ARHGEF3: variants seen among roughly 807,000 people sequenced by gnomAD.
The protein encoded by ARHGEF3 is 59.8 kDA protein.
ARHGEF3 carries 28 observed loss-of-function variants against 63.2 expected under a neutral mutation model. The observed-to-expected ratio is 0.44, with a 90% CI of 0.33 to 0.61. The LOEUF (loss-of-function observed/expected upper bound fraction) is 0.61. Ranked by LOEUF, ARHGEF3 falls within the 20% of genes least tolerant of loss-of-function variation. ARHGEF3 has a pLI of 0.03. For missense variants in ARHGEF3, 533 were observed against 659.3 expected, an observed-to-expected ratio of 0.81 and a Z score of 2.10; for synonymous variants, 266 against 254.2, an observed-to-expected ratio of 1.05 and a Z score of -0.44.
At chr3:57,013,026 G>A (rs1702770140) in intron 2 of ARHGEF3, among the ~76,000 whole-genome samples, 1 of 152,228 alleles carries the variant, frequency 6.6e-6, no homozygotes, top group South Asian at 2.1e-4. Flanking sequence ...TGCGGAGGGT[G>A]CACCGGATCC....
At chr3:56,737,113 AG>A in intron 8 of ARHGEF3, 71 bp downstream of exon 8, 1 of 1,410,782 alleles carries the variant, frequency 7.1e-7, no homozygotes, top group Non-Finnish European at 9.5e-7. Flanking sequence ...AAATTCTAAG[AG>A]GAGGCTCCAC....
chr3:56,870,152 C>T (rs2040390490), intron 4 of ARHGEF3, among the ~76,000 whole-genome samples: 1 of 152,002 alleles, frequency 6.6e-6, no homozygotes, highest in East Asian at 1.9e-4. Context: ...CAGTGGAGAA[C>T]TGCATTAAAA....
intron 2 of ARHGEF3, among the ~76,000 whole-genome samples, chr3:56,980,248 C>T (rs1370673163): frequency 6.6e-6 from 1 of 152,216 alleles, no homozygotes; most frequent in African/African-American, 2.4e-5. Flanking sequence ...TTAATGCATG[C>T]TTTTAAAGCC....
intron 2 of ARHGEF3, among the ~76,000 whole-genome samples, chr3:57,028,668 T>C (rs1211678291): frequency 6.9e-6 from 1 of 143,980 alleles, no homozygotes; most frequent in Admixed American, 7.0e-5. Context: ...AATGTGCACA[T>C]GTACCCTAAA....
At chr3:56,909,696 A>G (rs947439447) in intron 3 of ARHGEF3, among the ~76,000 whole-genome samples, 1 of 152,230 alleles carries the variant, frequency 6.6e-6, no homozygotes, top group African/African-American at 2.4e-5. Context: ...GCCTTGGGAT[A>G]GGCGTTCTCA....
At chr3:56,931,237 G>A (rs1045468777) in intron 3 of ARHGEF3, among the ~76,000 whole-genome samples, 1 of 152,138 alleles carries the variant, frequency 6.6e-6, no homozygotes, top group African/African-American at 2.4e-5. Flanking sequence ...CACAAGTTCC[G>A]TGATGGGAAA....
chr3:56,941,696 A>G (rs923625889), intron 3 of ARHGEF3, among the ~76,000 whole-genome samples: 1 of 152,234 alleles, frequency 6.6e-6, no homozygotes, highest in African/African-American at 2.4e-5. Context: ...TATAAAAAAT[A>G]TGTAACTAAC....
At chr3:57,065,550 C>T (rs565951614) in intron 1 of ARHGEF3, among the ~76,000 whole-genome samples, 2 of 152,192 alleles carry the variant, frequency 1.3e-5, no homozygotes, top group African/African-American at 2.4e-5. Flanking sequence ...TCTGCACTAC[C>T]GTATGCATGT....
At chr3:57,013,947 T>G (rs923912803) in intron 2 of ARHGEF3, among the ~76,000 whole-genome samples, 15 of 152,206 alleles carry the variant, frequency 9.9e-5, no homozygotes, top group Non-Finnish European at 1.3e-4. Context: ...CAATTTCCAC[T>G]CTGGGGAAGT....
chr3:56,791,420 G>T (rs1156708496), intron 1 of ARHGEF3, among the ~76,000 whole-genome samples: 2 of 152,030 alleles, frequency 1.3e-5, no homozygotes, highest in African/African-American at 2.4e-5. Flanking sequence ...TCCAGCCTAG[G>T]CAACAGAACA....
chr3:56,821,038 C>T (rs1366632416), intron 4 of ARHGEF3, among the ~76,000 whole-genome samples: 1 of 151,850 alleles, frequency 6.6e-6, no homozygotes, highest in Non-Finnish European at 1.5e-5. Context: ...AGGTGCATGC[C>T]TGTAATCCCA....
chr3:57,067,165 T>C (rs766763648), intron 1 of ARHGEF3, among the ~76,000 whole-genome samples: 26 of 152,212 alleles, frequency 1.7e-4, no homozygotes, highest in Admixed American at 8.5e-4. Context: ...AGAATAACAT[T>C]TGTCGGCCAG....
rs755254293 is a variant in ARHGEF3, at chr3:56,801,777, A to C, written c.22T>G (p.Phe8Val). Residue 8 changes from phenylalanine (F) to valine (V), a missense_variant, in exon 1 of 10, where the codon TTC (phenylalanine) becomes GTC (valine). By Grantham distance (50) the Phe-to-Val change is conservative (BLOSUM62 -1). Coordinates refer to ENST00000296315, the MANE Select transcript of ARHGEF3 (RefSeq NM_019555.3). MVAKDYP[F>V]YLTVKRANCS... ...TTCGCTCTCTTGACCGTGAGGTAGA[A>C]GGGGTAATCCTTGGCCACCATGGCG... 2 of 1,567,590 alleles carry C rather than the reference A, an allele frequency of 1.3e-6. No homozygotes were observed. The highest frequency in any genetic ancestry group is 1.7e-6 in the Non-Finnish European group (2 of 1,154,956).
chr3:56,959,213 A>G (rs1267576130), intron 2 of ARHGEF3, among the ~76,000 whole-genome samples: 3 of 152,160 alleles, frequency 2.0e-5, no homozygotes, highest in Non-Finnish European at 4.4e-5. Flanking sequence ...ACATAGACTC[A>G]ATTCCCACAT....
At chr3:56,771,626 CA>C (rs1246898294) in intron 2 of ARHGEF3, among the ~76,000 whole-genome samples, 1 of 152,162 alleles carries the variant, frequency 6.6e-6, no homozygotes, top group East Asian at 1.9e-4. Flanking sequence ...AGCACTGCAG[CA>C]AACCTACCAA....
chr3:57,043,779 G>T (rs915090621), intron 1 of ARHGEF3, among the ~76,000 whole-genome samples: 5 of 152,238 alleles, frequency 3.3e-5, no homozygotes, highest in African/African-American at 1.2e-4. Context: ...GGCTGGGGCA[G>T]TGCAGTGTGT....
chr3:56,778,414 C>A (rs2036386989), intron 1 of ARHGEF3, among the ~76,000 whole-genome samples: 1 of 152,232 alleles, frequency 6.6e-6, no homozygotes, highest in African/African-American at 2.4e-5. Context: ...GCTACCCAGC[C>A]TCTGTCATGA....
chr3:57,044,743 T>A (rs1579158334), intron 1 of ARHGEF3, among the ~76,000 whole-genome samples: 1 of 152,244 alleles, frequency 6.6e-6, no homozygotes, highest in Non-Finnish European at 1.5e-5. Flanking sequence ...TCTCTAGTCT[T>A]CCCAGTTGAA....
intron 3 of ARHGEF3, among the ~76,000 whole-genome samples, chr3:56,906,975 A>AT (rs368006965): frequency 0.18 from 13,341 of 72,556 alleles, 1,538 homozygotes; most frequent in East Asian, 0.41. Flanking sequence ...CTCACATTCT[A>AT]TTTTTTTTTT....
Sources: allele counts gnomAD v4.1 joint callset (sites outside exome capture counted in the v4.1 genomes callset), GRCh38; gene constraint gnomAD v4.1.1; transcripts MANE v1.5; gene names NCBI Gene and HGNC (gene_info 2026-07-23, HGNC 2026-07-21).